The following PPP1R3B variants were observed in gnomAD, a reference collection of about 807,000 sequenced individuals.
The protein encoded by PPP1R3B is PP1 subunit R4.
PPP1R3B carries 8 observed loss-of-function variants against 14.6 expected under a neutral mutation model. That is an observed-to-expected ratio of 0.55 (90% confidence interval 0.32 to 0.99). The LOEUF is 0.99. Ranked by LOEUF, PPP1R3B falls within the 50% of genes least tolerant of loss-of-function variation. The pLI, the probability that PPP1R3B is intolerant of heterozygous loss-of-function variation, is 0.04. For synonymous variants in PPP1R3B, 169 were observed against 142.0 expected (o/e 1.19, Z -1.35); for missense variants, 452 against 360.1 (o/e 1.26, Z -2.07).
chr8:9,147,054 C>T (rs1203321554), intron 1 of PPP1R3B, among the ~76,000 whole-genome samples: 1 of 151,892 alleles, frequency 6.6e-6, no homozygotes, highest in Admixed American at 6.6e-5. Flanking sequence ...GCAATCTCAG[C>T]TCACTGCAAC....
chr8:9,148,983 C>G (rs1306954130), intron 1 of PPP1R3B, among the ~76,000 whole-genome samples: 2 of 149,058 alleles, frequency 1.3e-5, no homozygotes, highest in Non-Finnish European at 3.0e-5. Flanking sequence ...ATCAGGAGAT[C>G]GAGACCATCC....
chr8:9,151,491 C>A (rs559883312), upstream of PPP1R3B: 18 of 180,390 alleles, frequency 1.0e-4, no homozygotes, highest in East Asian at 2.7e-3. Flanking sequence ...TCCGTCCGTG[C>A]ACGAGAGCTG....
Position 9,141,202 on chromosome 8 carries a change from CT to C in PPP1R3B, c.449del (p.Lys150ArgfsTer11). On this transcript the variant is annotated frameshift_variant, in exon 2 of 2. Coordinates refer to ENST00000310455, the MANE Select transcript of PPP1R3B (RefSeq NM_024607.4). LOFTEE classifies it high-confidence loss of function. ...TCTTCTCAAATGCGAGGTTCTGAAC[CT>C]TCACAGTGCCTGCAATGGCCTTGTC... ...LKDKAIAGTV[K>X]VQNLAFEKTV... 2 of 1,614,214 alleles carry C rather than the reference CT, an allele frequency of 1.2e-6. No homozygotes were observed. Among genetic ancestry groups the C allele is most frequent in the Non-Finnish European group, 1.7e-6 (2 of 1,180,040 alleles).
intron 1 of PPP1R3B, 121 bp from the exon 2 acceptor site, chr8:9,141,789 C>G (rs1801100506): frequency 5.2e-6 from 5 of 953,806 alleles, no homozygotes; most frequent in Admixed American, 2.9e-5. Flanking sequence ...CTATGCCCAC[C>G]TGGCTACAGG....
rs1168712382 is a variant in PPP1R3B, at chr8:9,138,042, T to C, written c.*2752A>G. Reference sequence around the variant, plus strand: ...ATTAAACAGAGTCACTTCAGGCCTTTTTCTTATGAACAGAGTGATCCTTAG... The same window carrying C: ...ATTAAACAGAGTCACTTCAGGCCTTCTTCTTATGAACAGAGTGATCCTTAG... On this transcript the variant is annotated 3_prime_UTR_variant, in exon 2 of 2. Coordinates refer to ENST00000310455, the MANE Select transcript of PPP1R3B (RefSeq NM_024607.4). 1.3e-5 allele frequency: 2 copies of C among 152,222 alleles called. No individual in the cohort carries two copies. Among genetic ancestry groups the C allele is most frequent in the Non-Finnish European group, 2.9e-5 (2 of 68,036 alleles). The allele number at this position is 152,222 out of a possible 1,614,324, so 9.4% of individuals were successfully genotyped here. A position where few individuals can be genotyped will look rare whatever the true frequency, so the allele number is the denominator to read the frequency against.
chr8:9,145,108 GAAAAA>G (rs201060403), intron 1 of PPP1R3B: 1 of 148,878 alleles, frequency 6.7e-6, no homozygotes, highest in African/African-American at 2.5e-5. Flanking sequence ...CAAATGAAAT[GAAAAA>G]AAAATATTAT....
Position 9,138,780 on chromosome 8 carries a change from A to C in PPP1R3B, c.*2014T>G, listed in dbSNP as rs1436817079. The C allele has an allele frequency of 6.6e-6, 1 of 152,232 alleles. No individual in the cohort carries two copies. The highest frequency in any genetic ancestry group is 2.4e-5 in the African/African-American group (1 of 41,456). The allele number at this position is 152,232 out of a possible 1,614,324, so 9.4% of individuals were successfully genotyped here. ...AAAAGAGTCGTTTAACCAAACTCCAAAAACAAACAAAAATAGAAAATAAAA... is the reference window on the plus strand; with the variant it reads ...AAAAGAGTCGTTTAACCAAACTCCACAAACAAACAAAAATAGAAAATAAAA... On this transcript the variant is annotated 3_prime_UTR_variant, in exon 2 of 2. Transcript: ENST00000310455.
At chr8:9,145,960 C>A (rs1801228656) in intron 1 of PPP1R3B, among the ~76,000 whole-genome samples, 1 of 152,036 alleles carries the variant, frequency 6.6e-6, no homozygotes, top group African/African-American at 2.4e-5. Flanking sequence ...ACCTCAAACT[C>A]CTGGGCCCAA....
At chr8:9,144,584 C>G (rs370027044) in intron 1 of PPP1R3B, among the ~76,000 whole-genome samples, 10 of 152,134 alleles carry the variant, frequency 6.6e-5, no homozygotes, top group African/African-American at 2.2e-4. Context: ...GACATTTATC[C>G]TAGGTAAAGA....
rs987685464 is a variant in PPP1R3B at position 9,138,446 on chromosome 8, G to C, written c.*2348C>G. 1.3e-5 allele frequency: 2 copies of C among 152,166 alleles called. No individual in the cohort carries two copies. Among genetic ancestry groups the C allele is most frequent in the African/African-American group, 2.4e-5 (1 of 41,440 alleles). 9.4% of individuals were successfully genotyped at this position (152,166 alleles called of 1,614,324 possible). On this transcript the variant is annotated 3_prime_UTR_variant, in exon 2 of 2. Coordinates refer to ENST00000310455, the MANE Select transcript of PPP1R3B (RefSeq NM_024607.4). ...TAAGAATTACATCGAATAGCCTTAA[G>C]AGCATTTAAAAAGTCAAGGCATCTT...
At position 9,141,233 on chromosome 8, in the gene PPP1R3B, A is replaced by T. The variant is rs947015020; in HGVS notation, c.419T>A (p.Leu140His). Residue 140 changes from leucine (L) to histidine (H), a missense_variant, in exon 2 of 2, where the codon CTC becomes CAC. Transcript: ENST00000310455. ...AGTGCCTGCAATGGCCTTGTCCTTG[A>T]GCACACAGTTCTCAAGGCAGACGTG... ...ADHVCLENCV[L>H]KDKAIAGTVK... 3.1e-6 allele frequency: 5 copies of T among 1,614,054 alleles called. No homozygotes were observed. Among genetic ancestry groups the T allele is most frequent in the Non-Finnish European group, 4.2e-6 (5 of 1,180,034 alleles).
chr8:9,149,755 TA>T (rs1394015074), intron 1 of PPP1R3B, among the ~76,000 whole-genome samples: 2 of 152,224 alleles, frequency 1.3e-5, no homozygotes, highest in Non-Finnish European at 2.9e-5. Flanking sequence ...TTCACAGCCT[TA>T]AAGGCTCCTT....
chr8:9,151,272 G>A (rs1377883402), upstream of PPP1R3B: 1 of 153,040 alleles, frequency 6.5e-6, no homozygotes, highest in African/African-American at 2.4e-5. Context: ...GGAACCCAAA[G>A]AGGTCCCCGC....
chr8:9,149,024 A>G (rs1410030245), intron 1 of PPP1R3B, among the ~76,000 whole-genome samples: 1 of 149,114 alleles, frequency 6.7e-6, no homozygotes, highest in Non-Finnish European at 1.5e-5. Context: ...CGTCTCTACT[A>G]AAAATACAAA....
chr8:9,137,078 A>C lies in PPP1R3B; in HGVS notation c.*3716T>G, dbSNP rs1800913029. ...TTGCCACCATTAAAATGAAATCTTA[A>C]AGGTAAATTAAATTCTCCCATTGAC... is the stretch of plus-strand genomic sequence containing the variant. On this transcript the variant is annotated 3_prime_UTR_variant, in exon 2 of 2. Coordinates refer to ENST00000310455, the MANE Select transcript of PPP1R3B (RefSeq NM_024607.4). 6.6e-6 allele frequency: 1 copy of C among 152,040 alleles called. No individual in the cohort carries two copies. The highest frequency in any genetic ancestry group is 1.5e-5 in the Non-Finnish European group (1 of 68,036). The allele number at this position is 152,040 out of a possible 1,614,324, so 9.4% of individuals were successfully genotyped here.
upstream of PPP1R3B, among the ~76,000 whole-genome samples, chr8:9,151,043 G>A (rs1357106476): frequency 6.6e-6 from 1 of 152,316 alleles, no homozygotes; most frequent in African/African-American, 2.4e-5. Context: ...CAGAACAACA[G>A]GTGGTAAAGG....
In PPP1R3B at chr8:9,137,348, G is replaced by A. The variant is rs1014922378; in HGVS notation, c.*3446C>T. 8 of 152,140 alleles carry A rather than the reference G, an allele frequency of 5.3e-5. No individual in the cohort carries two copies. The East Asian group carries it at 5.8e-4, about 11-fold the overall frequency. 9.4% of individuals were successfully genotyped at this position (152,140 alleles called of 1,614,324 possible). A position where few individuals can be genotyped will look rare whatever the true frequency, so the allele number is the denominator to read the frequency against. On this transcript the variant is annotated 3_prime_UTR_variant, in exon 2 of 2. Coordinates refer to ENST00000310455, the MANE Select transcript of PPP1R3B (RefSeq NM_024607.4). Reference sequence around the variant, plus strand: ...AAAATGAAGTTGCTTCCCTATTGCCGGACAACTGCACCTGTGACAGGTGGC... The same window carrying A: ...AAAATGAAGTTGCTTCCCTATTGCCAGACAACTGCACCTGTGACAGGTGGC...
upstream of PPP1R3B, chr8:9,151,208 G>C (rs1024557905): frequency 6.6e-6 from 1 of 152,502 alleles, no homozygotes; most frequent in African/African-American, 2.4e-5. Flanking sequence ...GCTACCTAGA[G>C]TGTTCCAGCC....
chr8:9,149,507 ACAAACAAACAAAAC>A (rs946574793), intron 1 of PPP1R3B, among the ~76,000 whole-genome samples: 10 of 151,290 alleles, frequency 6.6e-5, no homozygotes, highest in Middle Eastern at 3.4e-3. Flanking sequence ...CCGTCTCAAA[ACAAACAAACAAAAC>A]CAAACAAACA....
Sources: gnomAD v4.1 joint callset for allele counts (sites outside exome capture counted in the v4.1 genomes callset) on GRCh38, gnomAD v4.1.1 for gene constraint, MANE v1.5 for transcripts, NCBI Gene and HGNC (gene_info 2026-07-23, HGNC 2026-07-21) for gene names.